Variants in DOCK4 observed in about 807,000 individuals in gnomAD.
DOCK4 encodes the protein dedicator of cytokinesis protein 4.
A neutral mutation model predicts 268.1 loss-of-function variants in DOCK4; 97 were observed. The observed-to-expected ratio is 0.36, with a 90% CI of 0.31 to 0.43. DOCK4 has a LOEUF of 0.43. Among genes scored for constraint, DOCK4 ranks in the 20% least tolerant of loss-of-function variants. The pLI is 1.00. For synonymous variants in DOCK4, 954 were observed against 887.2 expected (o/e 1.08, Z -1.34); for missense variants, 2,145 against 2,455.7 (o/e 0.87, Z 2.67).
At chr7:112,180,384 T>C (rs10428921) in intron 1 of DOCK4, among the ~76,000 whole-genome samples, 29,949 of 152,036 alleles carry the variant, frequency 0.2, 3,350 homozygotes, top group African/African-American at 0.3. Context: ...TGCAGACAAC[T>C]TTTACCCCGA....
intron 52 of DOCK4, among the ~76,000 whole-genome samples, chr7:111,731,632 GTC>G (rs1289010692): frequency 3.9e-5 from 6 of 152,172 alleles, no homozygotes; most frequent in Non-Finnish European, 7.3e-5. Flanking sequence ...CAATTCGAAT[GTC>G]TGACCTTTAC....
At chr7:111,843,604 G>A (rs562131518) in intron 25 of DOCK4, among the ~76,000 whole-genome samples, 45 of 152,210 alleles carry the variant, frequency 3.0e-4, no homozygotes, top group Non-Finnish European at 5.1e-4. Context: ...GAAAGTGGAC[G>A]ATTCATAACT....
At chr7:111,827,243 A>G (rs1464417838) in intron 26 of DOCK4, among the ~76,000 whole-genome samples, 5 of 152,248 alleles carry the variant, frequency 3.3e-5, no homozygotes, top group Non-Finnish European at 7.3e-5. Flanking sequence ...CTTACGCAAA[A>G]TAACTCCCAA....
At chr7:111,791,099 T>TATATATATATATAA (rs1289561664) in intron 30 of DOCK4, among the ~76,000 whole-genome samples, 1 of 137,468 alleles carries the variant, frequency 7.3e-6, no homozygotes, top group Non-Finnish European at 1.5e-5. Flanking sequence ...TATATATATA[T>TATATATATATATAA]AAAATAAATC....
chr7:111,921,161 T>C (rs1165428572), intron 12 of DOCK4, among the ~76,000 whole-genome samples: 1 of 152,144 alleles, frequency 6.6e-6, no homozygotes, highest in Admixed American at 6.5e-5. Context: ...AAGTGAACTT[T>C]CACATCAGCC....
At chr7:111,914,557 A>T (rs1792425247) in intron 13 of DOCK4, among the ~76,000 whole-genome samples, 1 of 152,144 alleles carries the variant, frequency 6.6e-6, no homozygotes, top group South Asian at 2.1e-4. Context: ...ACAAGCCACG[A>T]TTCTATGGCT....
intron 25 of DOCK4, among the ~76,000 whole-genome samples, chr7:111,838,206 CTA>C (rs1563572643): frequency 6.7e-6 from 1 of 148,790 alleles, no homozygotes. Context: ...AAAGGCTGAT[CTA>C]ACTTTAAAAT....
chr7:112,142,192 A>G (rs1814996834), intron 1 of DOCK4, among the ~76,000 whole-genome samples: 1 of 152,142 alleles, frequency 6.6e-6, no homozygotes. Context: ...TAGAGAGAAA[A>G]AATAACTCAG....
At chr7:112,138,008 C>G (rs975560817) in intron 1 of DOCK4, among the ~76,000 whole-genome samples, 12 of 152,212 alleles carry the variant, frequency 7.9e-5, no homozygotes, top group African/African-American at 2.9e-4. Flanking sequence ...TCATCCACCT[C>G]TAGATTAAAT....
At chr7:111,770,190 G>A (rs574119106) in intron 36 of DOCK4, among the ~76,000 whole-genome samples, 1 of 149,932 alleles carries the variant, frequency 6.7e-6, no homozygotes, top group Non-Finnish European at 1.5e-5. Flanking sequence ...ATTTACAAGG[G>A]GCAAAGAAGC....
Position 111,863,501 on chromosome 7 carries a change from C to G in DOCK4, c.2344G>C (p.Glu782Gln). The G allele has an allele frequency of 1.2e-6, 2 of 1,613,890 alleles. No homozygotes were observed. The highest frequency in any genetic ancestry group is 1.7e-6 in the Non-Finnish European group (2 of 1,179,838). The change falls in exon 23 of 53, where the codon GAA (glutamate) becomes CAA (glutamine). Residue 782 changes from glutamate to glutamine, a missense_variant. Transcript: ENST00000428084. ...GTGTCCTGGACCAAGTTGGCTACTT[C>G]CCGGACATCAAAGAGCTTCAACAGT... ...SELLKLFDVR[E>Q]VANLVQDTLG...
chr7:111,757,073 G>C (rs969971392), intron 41 of DOCK4, among the ~76,000 whole-genome samples: 1 of 152,066 alleles, frequency 6.6e-6, no homozygotes, highest in African/African-American at 2.4e-5. Flanking sequence ...GGAGCGGCTT[G>C]CGAAAGGGCT....
chr7:111,969,246 A>G (rs1295104479), intron 8 of DOCK4, among the ~76,000 whole-genome samples: 4 of 148,034 alleles, frequency 2.7e-5, no homozygotes, highest in Non-Finnish European at 6.0e-5. Context: ...GTACAAACAA[A>G]TAATGACTGA....
At chr7:111,954,309 T>C (rs1311705848) in intron 8 of DOCK4, among the ~76,000 whole-genome samples, 1 of 152,202 alleles carries the variant, frequency 6.6e-6, no homozygotes, top group Non-Finnish European at 1.5e-5. Flanking sequence ...CCAGGCAAGA[T>C]ACTTTGGGAA....
At chr7:111,730,190 A>T (rs1216561506) in intron 52 of DOCK4, among the ~76,000 whole-genome samples, 1 of 152,164 alleles carries the variant, frequency 6.6e-6, no homozygotes, top group East Asian at 1.9e-4. Flanking sequence ...GTCCTAAGAT[A>T]GATGCTCTGT....
chr7:112,064,704 A>G (rs1806761786), intron 1 of DOCK4, among the ~76,000 whole-genome samples: 1 of 152,182 alleles, frequency 6.6e-6, no homozygotes, highest in Non-Finnish European at 1.5e-5. Context: ...TCAGAAGTTG[A>G]AATCCTAACC....
At chr7:111,818,303 A>T (rs1801712328) in intron 27 of DOCK4, among the ~76,000 whole-genome samples, 2 of 152,206 alleles carry the variant, frequency 1.3e-5, no homozygotes, top group African/African-American at 4.8e-5. Flanking sequence ...GCTCCATGCA[A>T]GCATGTCTAG....
intron 27 of DOCK4, among the ~76,000 whole-genome samples, chr7:111,812,438 T>C (rs947461402): frequency 2.6e-5 from 4 of 152,100 alleles, no homozygotes; most frequent in African/African-American, 9.7e-5. Context: ...TGCTGCTGTG[T>C]CCAGCCAAAT....
At chr7:111,902,658 G>C in intron 13 of DOCK4, among the ~76,000 whole-genome samples, 1 of 152,068 alleles carries the variant, frequency 6.6e-6, no homozygotes, top group Admixed American at 6.6e-5. Flanking sequence ...AGCACAACTA[G>C]AAAGTTTTTA....
Sources: allele counts gnomAD v4.1 joint callset (sites outside exome capture counted in the v4.1 genomes callset), GRCh38; gene constraint gnomAD v4.1.1; transcripts MANE v1.5; gene names NCBI Gene and HGNC (gene_info 2026-07-23, HGNC 2026-07-21).